Variants in MRAP2 observed in about 807,000 individuals in gnomAD.
The protein encoded by MRAP2 is melanocortin 2 receptor accessory protein 2, also known as melanocortin-2 receptor accessory protein 2.
MRAP2 carries 20 observed loss-of-function variants against 17.4 expected under a neutral mutation model. That is an observed-to-expected ratio of 1.15 (90% CI 0.81 to 1.67). The LOEUF (loss-of-function observed/expected upper bound fraction) is 1.67. Among genes scored for constraint, MRAP2 ranks in the 40% most tolerant of loss-of-function variants. The pLI, the probability that MRAP2 is intolerant of heterozygous loss-of-function variation, is 0.00. For synonymous variants in MRAP2, 96 were observed against 88.4 expected (o/e 1.09, Z -0.48); for missense variants, 238 against 240.0 (o/e 0.99, Z 0.05).
In MRAP2 at chr6:84,089,071, T is replaced by TTTTAAATAGCA; in HGVS notation, c.228-20_228-19insTTTAAATAGCA. The TTTTAAATAGCA allele has an allele frequency of 6.3e-7, 1 of 1,587,918 alleles. No homozygotes were observed. The highest frequency in any genetic ancestry group is 8.6e-7 in the Non-Finnish European group (1 of 1,169,342). On this transcript the variant is annotated intron_variant, in intron 3 of 3. Coordinates refer to ENST00000257776, the MANE Select transcript of MRAP2 (RefSeq NM_138409.4). ...ATGGGCTGGAGTGTAAGCAGTCTTT[T>TTTTAAATAGCA]ATTTTCTTTTTTTAAATAGCAATGC...
chr6:84,060,690 CT>C lies in MRAP2; in HGVS notation c.128-2190del, dbSNP rs36021546. On this transcript the variant is annotated intron_variant, in intron 2 of 3. Transcript: ENST00000257776. ...TGGTGTTTGGTATTTGTCCTTACATCTTTTTTTTTTTTTGAGACGGAGTCTT... is the reference window on the plus strand; with the variant it reads ...TGGTGTTTGGTATTTGTCCTTACATCTTTTTTTTTTTTGAGACGGAGTCTT... Among the ~76,000 whole-genome samples, 1,048 of 143,266 alleles carry C rather than the reference CT, an allele frequency of 7.3e-3. 6 individuals are homozygous for C. The highest frequency in any genetic ancestry group is 0.019 in the African/African-American group (752 of 39,264). 94.0% of individuals were successfully genotyped at this position (143,266 alleles called of 152,430 possible). A position where few individuals can be genotyped will look rare whatever the true frequency, so the allele number is the denominator to read the frequency against.
At chr6:84,116,082 T>G in the MRAP2 span, among the ~76,000 whole-genome samples, 1 of 152,284 alleles carries the variant, frequency 6.6e-6, no homozygotes, top group South Asian at 2.1e-4. Context: ...CAAAAAAGAG[T>G]TTGACTTCCT....
At chr6:84,037,717 T>C (rs1011035167) in intron 1 of MRAP2, among the ~76,000 whole-genome samples, 8 of 152,194 alleles carry the variant, frequency 5.3e-5, no homozygotes, top group East Asian at 3.9e-4. Flanking sequence ...CTGCAGCTGC[T>C]GGCCTGGGTG....
the MRAP2 span, among the ~76,000 whole-genome samples, chr6:84,141,037 C>T: frequency 2.0e-5 from 3 of 152,116 alleles, no homozygotes; most frequent in African/African-American, 7.2e-5. Flanking sequence ...CAATTGGGTT[C>T]ACGCTCCTAT....
intron 1 of MRAP2, among the ~76,000 whole-genome samples, chr6:84,036,539 A>G (rs192996134): frequency 6.6e-4 from 100 of 152,292 alleles, no homozygotes; most frequent in African/African-American, 2.2e-3. Context: ...CGCTGGCTTC[A>G]GGAGTGAAGC....
intron 2 of MRAP2, among the ~76,000 whole-genome samples, chr6:84,060,360 C>T (rs550727677): frequency 2.0e-5 from 3 of 152,214 alleles, no homozygotes; most frequent in African/African-American, 7.2e-5. Flanking sequence ...GGGGACTGGG[C>T]TGGGTTGAGG....
At chr6:84,069,971 AT>A (rs1428151954) in intron 3 of MRAP2, among the ~76,000 whole-genome samples, 1 of 148,774 alleles carries the variant, frequency 6.7e-6, no homozygotes, top group East Asian at 2.0e-4. Context: ...GGTTATTTGG[AT>A]TTTCTCTCTT....
chr6:84,122,194 A>C, the MRAP2 span, among the ~76,000 whole-genome samples: 1 of 152,018 alleles, frequency 6.6e-6, no homozygotes, highest in Admixed American at 6.6e-5. Flanking sequence ...AAGAGGAAGG[A>C]TGCCTCCCAA....
chr6:84,049,307 C>T (rs1464881028), intron 1 of MRAP2, among the ~76,000 whole-genome samples: 1 of 152,054 alleles, frequency 6.6e-6, no homozygotes, highest in African/African-American at 2.4e-5. Flanking sequence ...CACCTGTAAT[C>T]TCAGCTACTA....
At chr6:84,114,773 T>G in the MRAP2 span, among the ~76,000 whole-genome samples, 2 of 152,188 alleles carry the variant, frequency 1.3e-5, no homozygotes, top group African/African-American at 4.8e-5. Flanking sequence ...GGACGTCCTT[T>G]CTGTTGATGT....
chr6:84,065,395 A>G (rs972538452), intron 3 of MRAP2, among the ~76,000 whole-genome samples: 2 of 152,214 alleles, frequency 1.3e-5, no homozygotes, highest in Admixed American at 1.3e-4. Flanking sequence ...CACTAAAAAG[A>G]CACAAGCTTT....
the MRAP2 span, among the ~76,000 whole-genome samples, chr6:84,134,959 T>C: frequency 4.0e-5 from 6 of 148,882 alleles, no homozygotes; most frequent in Admixed American, 3.4e-4. Flanking sequence ...CACACACATA[T>C]ATAGTGTTAG....
intron 1 of MRAP2, among the ~76,000 whole-genome samples, chr6:84,051,019 T>C (rs2099490274): frequency 6.6e-6 from 1 of 152,188 alleles, no homozygotes; most frequent in Admixed American, 6.5e-5. Context: ...TTGGATTTCT[T>C]CTTAATGTGC....
chr6:84,046,269 G>C (rs955458496), intron 1 of MRAP2, among the ~76,000 whole-genome samples: 1 of 152,084 alleles, frequency 6.6e-6, no homozygotes, highest in African/African-American at 2.4e-5. Flanking sequence ...CTGTATTCCA[G>C]GTCCATGAAA....
At chr6:84,073,886 G>GT (rs1261349743) in intron 3 of MRAP2, among the ~76,000 whole-genome samples, 22 of 128,560 alleles carry the variant, frequency 1.7e-4, no homozygotes, top group South Asian at 1.7e-3. Context: ...GTGTGTGTGT[G>GT]TGTTTTTTTT....
At chr6:84,061,937 G>A in intron 2 of MRAP2, 1 of 985,414 alleles carries the variant, frequency 1.0e-6, no homozygotes, top group Non-Finnish European at 1.2e-6. Context: ...TATCATCAGG[G>A]CTGTGATTAA....
chr6:84,131,665 C>CT, the MRAP2 span, among the ~76,000 whole-genome samples: 33 of 149,860 alleles, frequency 2.2e-4, 1 homozygote, highest in South Asian at 1.7e-3. Context: ...GCAACCGCTG[C>CT]TTTTTTTTTG....
chr6:84,053,910 G>A (rs948718803), intron 1 of MRAP2, among the ~76,000 whole-genome samples: 1 of 151,916 alleles, frequency 6.6e-6, no homozygotes, highest in Non-Finnish European at 1.5e-5. Flanking sequence ...GTCTTTTTTT[G>A]TGGAGTCCAT....
At chr6:84,092,097 C>A (rs1422851937), downstream of MRAP2, among the ~76,000 whole-genome samples, 2 of 150,092 alleles carry the variant, frequency 1.3e-5, no homozygotes, top group African/African-American at 4.8e-5. Context: ...TGCTCCCACT[C>A]TGTGGCTCCT....
Sources: allele counts gnomAD v4.1 joint callset (sites outside exome capture counted in the v4.1 genomes callset), GRCh38; gene constraint gnomAD v4.1.1; transcripts MANE v1.5; gene names NCBI Gene and HGNC (gene_info 2026-07-23, HGNC 2026-07-21).